Variants in SDK1 observed in about 807,000 individuals in gnomAD.
SDK1 encodes the protein protein sidekick-1.
A neutral mutation model predicts 245.5 loss-of-function variants in SDK1; 157 were observed. The observed-to-expected ratio is 0.64, with a 90% confidence interval of 0.56 to 0.73. The LOEUF (loss-of-function observed/expected upper bound fraction) is 0.73. Among genes scored for constraint, SDK1 ranks in the 30% least tolerant of loss-of-function variants. The pLI, the probability that SDK1 is intolerant of heterozygous loss-of-function variation, is 0.00. For missense variants in SDK1, 3,583 were observed against 3,002.3 expected, an observed-to-expected ratio of 1.19 and a Z score of -4.52; for synonymous variants, 1,647 against 1,278.5, an observed-to-expected ratio of 1.29 and a Z score of -6.15.
intron 1 of SDK1, among the ~76,000 whole-genome samples, chr7:3,480,268 C>G (rs1464104140): frequency 6.6e-6 from 1 of 152,164 alleles, no homozygotes; most frequent in Non-Finnish European, 1.5e-5. Context: ...GGCGTGAAAG[C>G]TAGCGGTATC....
At chr7:3,550,728 TTAA>T (rs1409934077) in intron 1 of SDK1, among the ~76,000 whole-genome samples, 5 of 152,242 alleles carry the variant, frequency 3.3e-5, no homozygotes, top group Admixed American at 6.5e-5. Context: ...TTATATGATA[TTAA>T]TATGGATATT....
chr7:3,854,662 G>A (rs773269703), intron 5 of SDK1, among the ~76,000 whole-genome samples: 1 of 152,140 alleles, frequency 6.6e-6, no homozygotes, highest in African/African-American at 2.4e-5. Flanking sequence ...ACATAGAAGT[G>A]ACAATTTAGT....
At chr7:3,813,611 A>C (rs1398149401) in intron 4 of SDK1, among the ~76,000 whole-genome samples, 6 of 149,458 alleles carry the variant, frequency 4.0e-5, no homozygotes, top group South Asian at 4.3e-4. Context: ...CTTTATAGTC[A>C]TTTGGGTATA....
At chr7:3,652,267 A>T in intron 4 of SDK1, among the ~76,000 whole-genome samples, 1 of 152,146 alleles carries the variant, frequency 6.6e-6, no homozygotes, top group East Asian at 1.9e-4. Flanking sequence ...GCTATTATTT[A>T]TGTATTAATG....
chr7:3,559,720 G>A (rs10227151), intron 1 of SDK1, among the ~76,000 whole-genome samples: 2 of 148,272 alleles, frequency 1.3e-5, no homozygotes, highest in African/African-American at 2.5e-5. Context: ...TCAAGGTAAC[G>A]CTGTAAAGTA....
chr7:3,532,833 G>C (rs1187873933), intron 1 of SDK1, among the ~76,000 whole-genome samples: 1 of 151,926 alleles, frequency 6.6e-6, no homozygotes, highest in Non-Finnish European at 1.5e-5. Flanking sequence ...CTGCGTTCTT[G>C]TCACATGGCC....
At chr7:4,178,806 T>C (rs1235620959) in intron 35 of SDK1, among the ~76,000 whole-genome samples, 1 of 152,230 alleles carries the variant, frequency 6.6e-6, no homozygotes, top group Non-Finnish European at 1.5e-5. Context: ...AGTCTTGCTT[T>C]TGAGACCTAA....
chr7:3,799,113 G>A lies in SDK1; in HGVS notation c.714-22337G>A, dbSNP rs114664603. ...TGTCATTGGATAACCAGTAGAATAA[G>A]TCCCTCATGTTTCTTCTCCTCTTTA... is the stretch of plus-strand genomic sequence containing the variant. On this transcript the variant is annotated intron_variant, in intron 4 of 44. Coordinates refer to ENST00000404826, the MANE Select transcript of SDK1 (RefSeq NM_152744.4). Among the ~76,000 whole-genome samples the A allele has an allele frequency of 3.9e-3, 596 of 152,250 alleles. 6 individuals carry two copies. The highest frequency in any genetic ancestry group is 0.014 in the African/African-American group (583 of 41,552).
At chr7:4,023,452 C>T (rs1181574284) in intron 17 of SDK1, among the ~76,000 whole-genome samples, 1 of 152,200 alleles carries the variant, frequency 6.6e-6, no homozygotes, top group Admixed American at 6.5e-5. Context: ...GAAACTCCAA[C>T]AGACTCAGTT....
Position 3,379,514 on chromosome 7 carries a change from G to A in SDK1, c.298+77630G>A, listed in dbSNP as rs149814429. Among the ~76,000 whole-genome samples the A allele has an allele frequency of 8.3e-3, 1,263 of 152,212 alleles. 17 individuals carry two copies. The highest frequency in any genetic ancestry group is 0.029 in the African/African-American group (1,216 of 41,544). On this transcript the variant is annotated intron_variant, in intron 1 of 44. Coordinates refer to ENST00000404826, the MANE Select transcript of SDK1 (RefSeq NM_152744.4). ...ACAGGATGGGGAAAGACCTTTATTC[G>A]TAGATGGAGGGGAACGGGGTCTGCC...
intron 4 of SDK1, among the ~76,000 whole-genome samples, chr7:3,677,046 T>G (rs1783924375): frequency 6.6e-6 from 1 of 152,230 alleles, no homozygotes; most frequent in Non-Finnish European, 1.5e-5. Context: ...CTGGGATGTT[T>G]GTTTCTTATG....
intron 1 of SDK1, among the ~76,000 whole-genome samples, chr7:3,386,878 G>C (rs1212923193): frequency 6.6e-6 from 1 of 152,104 alleles, no homozygotes; most frequent in African/African-American, 2.4e-5. Context: ...ACTAACACAA[G>C]GCTGTCATGT....
At position 3,472,992 on chromosome 7, in the gene SDK1, C is replaced by T. The variant is rs79926907; in HGVS notation, c.299-146088C>T. Among the ~76,000 whole-genome samples the T allele has an allele frequency of 3.3e-4, 51 of 152,302 alleles. No individual in the cohort carries two copies. The East Asian group carries it at 8.9e-3, about 27-fold the overall frequency. On this transcript the variant is annotated intron_variant, in intron 1 of 44. Transcript: ENST00000404826. Reference sequence around the variant, plus strand: ...TGCTATTTGACCCTTTCCCTTCCTCCTCTTCTTTTTCCCCATTTTCCTTTT... The same window carrying T: ...TGCTATTTGACCCTTTCCCTTCCTCTTCTTCTTTTTCCCCATTTTCCTTTT...
intron 25 of SDK1, among the ~76,000 whole-genome samples, chr7:4,120,525 C>A (rs529982130): frequency 6.7e-6 from 1 of 148,892 alleles, no homozygotes; most frequent in East Asian, 1.9e-4. Flanking sequence ...AACTAATCTT[C>A]CAGGATTTTA....
intron 17 of SDK1, among the ~76,000 whole-genome samples, chr7:4,037,581 T>C (rs1240969097): frequency 6.6e-6 from 1 of 152,070 alleles, no homozygotes; most frequent in Non-Finnish European, 1.5e-5. Flanking sequence ...GATTGAAACA[T>C]TGCATCCCAG....
chr7:3,441,146 T>C (rs903580878), intron 1 of SDK1, among the ~76,000 whole-genome samples: 5 of 152,218 alleles, frequency 3.3e-5, no homozygotes, highest in Non-Finnish European at 5.9e-5. Context: ...AGACAGCCCA[T>C]GTTCACATAA....
chr7:3,349,034 CTTCT>C (rs1340935949), intron 1 of SDK1, among the ~76,000 whole-genome samples: 7 of 151,916 alleles, frequency 4.6e-5, no homozygotes, highest in African/African-American at 1.7e-4. Flanking sequence ...CTGGTCTGCG[CTTCT>C]TTCTCCTTTT....
chr7:3,931,075 G>C (rs1779960224), intron 5 of SDK1, among the ~76,000 whole-genome samples: 2 of 152,148 alleles, frequency 1.3e-5, no homozygotes, highest in African/African-American at 4.8e-5. Context: ...GAAGACATTG[G>C]AGAGCACTTC....
intron 1 of SDK1, among the ~76,000 whole-genome samples, chr7:3,398,520 T>C (rs1010521826): frequency 6.6e-6 from 1 of 152,084 alleles, no homozygotes; most frequent in African/African-American, 2.4e-5. Context: ...TAGTTTCCCT[T>C]GGGAGAAGGC....
Sources: gnomAD v4.1 joint callset for allele counts (sites outside exome capture counted in the v4.1 genomes callset) on GRCh38, gnomAD v4.1.1 for gene constraint, MANE v1.5 for transcripts, NCBI Gene and HGNC (gene_info 2026-07-23, HGNC 2026-07-21) for gene names.